Variants in ZNF248 observed in about 807,000 individuals in gnomAD.
ZNF248 encodes KRAB protein domain.
Under a neutral mutation model 44.3 loss-of-function variants are expected in ZNF248, and 20 were observed. The observed-to-expected ratio is 0.45, with a 90% CI of 0.32 to 0.66. ZNF248 has a LOEUF of 0.66. Ranked by LOEUF, ZNF248 falls within the 30% of genes least tolerant of loss-of-function variation. The probability of loss-of-function intolerance (pLI) is 0.04; values close to 1 mark genes in which losing one functional copy is unlikely to be tolerated. For synonymous variants in ZNF248, 224 were observed against 229.0 expected, an observed-to-expected ratio of 0.98 and a Z score of 0.20; for missense variants, 654 against 677.0, an observed-to-expected ratio of 0.97 and a Z score of 0.38.
At chr10:37,836,961 G>C (rs1168014215) in intron 5 of ZNF248, among the ~76,000 whole-genome samples, 2 of 151,978 alleles carry the variant, frequency 1.3e-5, no homozygotes, top group African/African-American at 4.8e-5. Flanking sequence ...CTAACAAAAG[G>C]TGTCTAAGAC....
At chr10:37,759,567 T>C in the ZNF248 span, among the ~76,000 whole-genome samples, 4 of 152,220 alleles carry the variant, frequency 2.6e-5, no homozygotes, top group Non-Finnish European at 5.9e-5. Flanking sequence ...CTTAATCCAT[T>C]CATCTCTGTT....
chr10:37,817,905 A>C (rs899616876), intron 6 of ZNF248, among the ~76,000 whole-genome samples: 42 of 151,742 alleles, frequency 2.8e-4, no homozygotes, highest in African/African-American at 9.4e-4. Context: ...TTTCTTTTTT[A>C]TTTATTATTT....
the ZNF248 span, among the ~76,000 whole-genome samples, chr10:37,768,243 C>G: frequency 1.3e-5 from 2 of 152,208 alleles, no homozygotes; most frequent in Admixed American, 1.3e-4. Context: ...CAAGGATACC[C>G]AGGAATTGAA....
rs2055158604 is a variant in ZNF248 at position 37,829,874 on chromosome 10, G to A, written c.*1741C>T. ...AGAATCATTAAAATGGAACTTCCATGATTAGCTTTGACTAATCTGGACTTA... is the reference window on the plus strand; with the variant it reads ...AGAATCATTAAAATGGAACTTCCATAATTAGCTTTGACTAATCTGGACTTA... On this transcript the variant is annotated 3_prime_UTR_variant, in exon 6 of 6. Transcript: ENST00000395867. The A allele has an allele frequency of 1.0e-6, 1 of 985,246 alleles. No individual in the cohort carries two copies. Among genetic ancestry groups the A allele is most frequent in the Non-Finnish European group, 1.2e-6 (1 of 829,936 alleles). 61.0% of individuals were successfully genotyped at this position (985,246 alleles called of 1,614,324 possible).
chr10:37,801,696 T>C (rs917434000), intron 6 of ZNF248, among the ~76,000 whole-genome samples: 38 of 152,210 alleles, frequency 2.5e-4, no homozygotes, highest in Non-Finnish European at 4.4e-5. Context: ...GACAGGGTTT[T>C]CACAGAAGTT....
At position 37,819,460 on chromosome 10, in the gene ZNF248, G is replaced by A. The variant is rs138218590; in HGVS notation, c.330+13565C>T. On this transcript the variant is annotated intron_variant, in intron 6 of 6. Coordinates refer to the ZNF248 transcript ENST00000615949. The stretch of plus-strand genomic sequence containing the variant: ...TTAACTGGTGAATTTTCACAGCTAC[G>A]TATCTTTGCTCTATTAGTTCAAATG... 7.0e-4 allele frequency: 1,092 copies of A among 1,569,728 alleles called. 10 individuals are homozygous for A. In the African/African-American group the frequency reaches 0.012, roughly 18 times the overall value.
chr10:37,820,314 G>A (rs2053251727), intron 6 of ZNF248: 1 of 1,401,538 alleles, frequency 7.1e-7, no homozygotes, highest in Non-Finnish European at 1.0e-6. Context: ...TTGCTGAGCT[G>A]AAACAGAAGT....
rs199680671 is a variant in ZNF248 at position 37,832,549 on chromosome 10, G to A, written c.806C>T (p.Pro269Leu). ...ISQRPHLEME[P>L]YGCSICGKSF... ...CTTCCCGCAAATACTGCATCCATAC[G>A]GCTCCATTTCCAAATGAGGTCTTTG... The change falls in exon 6 of 6, where the codon CCG (proline) becomes CTG (leucine). Residue 269 changes from proline (P) to leucine (L), a missense_variant. Transcript: ENST00000395867. 15 of 1,613,664 alleles carry A rather than the reference G, an allele frequency of 9.3e-6. No homozygotes were observed. Among genetic ancestry groups the A allele is most frequent in the Middle Eastern group, 3.3e-4 (2 of 6,082 alleles).
chr10:37,857,870 G>A (rs1259270495), upstream of ZNF248: 1 of 152,336 alleles, frequency 6.6e-6, no homozygotes, highest in East Asian at 1.9e-4. Context: ...ATCCCCTTCT[G>A]ACAGAGACGC....
At chr10:37,825,733 AC>A (rs2054276478), downstream of ZNF248, among the ~76,000 whole-genome samples, 1 of 151,880 alleles carries the variant, frequency 6.6e-6, no homozygotes. Context: ...GAGCCACCCC[AC>A]CCAGCCGTCA....
the ZNF248 span, among the ~76,000 whole-genome samples, chr10:37,770,080 C>T: frequency 2.0e-5 from 3 of 152,094 alleles, no homozygotes; most frequent in African/African-American, 4.8e-5. Flanking sequence ...TGTGAAGGAC[C>T]TCTTCAAGGA....
intron 3 of ZNF248, among the ~76,000 whole-genome samples, chr10:37,853,615 G>C (rs963365814): frequency 1.3e-5 from 2 of 151,482 alleles, no homozygotes; most frequent in African/African-American, 4.9e-5. Context: ...CCCGACCTCA[G>C]GTAATCCACC....
At chr10:37,818,377 A>G (rs2052891030) in intron 6 of ZNF248, among the ~76,000 whole-genome samples, 1 of 152,068 alleles carries the variant, frequency 6.6e-6, no homozygotes, top group Admixed American at 6.5e-5. Context: ...TGACGCCAGA[A>G]CCTCATGCCG....
chr10:37,850,760 A>G (rs1440270570), intron 3 of ZNF248, among the ~76,000 whole-genome samples: 1 of 152,212 alleles, frequency 6.6e-6, no homozygotes, highest in African/African-American at 2.4e-5. Context: ...ATCCATAGGC[A>G]AAAACTGAGC....
downstream of ZNF248, among the ~76,000 whole-genome samples, chr10:37,828,093 C>A (rs553529774): frequency 6.6e-6 from 1 of 152,150 alleles, no homozygotes; most frequent in African/African-American, 2.4e-5. Context: ...AAAAGTATTT[C>A]TTTTAATAGA....
chr10:37,758,955 A>C, the ZNF248 span, among the ~76,000 whole-genome samples: 15,004 of 152,196 alleles, frequency 0.099, 981 homozygotes, highest in Admixed American at 0.18. Flanking sequence ...CTCAGTTCAG[A>C]GTGAAAGGGT....
intron 6 of ZNF248, among the ~76,000 whole-genome samples, chr10:37,805,418 T>C (rs577131982): frequency 1.3e-5 from 2 of 152,302 alleles, no homozygotes; most frequent in African/African-American, 4.8e-5. Context: ...ATCAGAAATA[T>C]ATGATATATA....
At chr10:37,822,169 A>G (rs1281374543) in intron 6 of ZNF248, among the ~76,000 whole-genome samples, 2 of 152,178 alleles carry the variant, frequency 1.3e-5, no homozygotes, top group African/African-American at 4.8e-5. Flanking sequence ...GCTCAAATTA[A>G]TCTCTCCCTG....
chr10:37,824,624 C>G (rs12246336), downstream of ZNF248, among the ~76,000 whole-genome samples: 5 of 140,026 alleles, frequency 3.6e-5, no homozygotes, highest in Non-Finnish European at 6.1e-5. Flanking sequence ...CATTTATAAT[C>G]TTAATGTTAA....
Sources: allele counts gnomAD v4.1 joint callset (sites outside exome capture counted in the v4.1 genomes callset), GRCh38; gene constraint gnomAD v4.1.1; transcripts MANE v1.5; gene names NCBI Gene and HGNC (gene_info 2026-07-23, HGNC 2026-07-21).